The following FANCI variants were observed in gnomAD, a reference collection of about 807,000 sequenced individuals.
FANCI encodes the protein Fanconi anemia group I protein.
A neutral mutation model predicts 176.1 loss-of-function variants in FANCI; 156 were observed. The observed-to-expected ratio is 0.89, with a 90% CI of 0.78 to 1.01. The LOEUF (loss-of-function observed/expected upper bound fraction) is 1.01, where lower values mean the gene tolerates loss of function less well. FANCI is among the 50% of genes least tolerant of loss of function. The probability of loss-of-function intolerance (pLI) is 0.00; values close to 1 mark genes in which losing one functional copy is unlikely to be tolerated. For synonymous variants in FANCI, 613 were observed against 541.7 expected (o/e 1.13, Z -1.83); for missense variants, 1,678 against 1,534.1 (o/e 1.09, Z -1.57).
intron 2 of FANCI, among the ~76,000 whole-genome samples, chr15:89,250,383 T>C (rs1322166952): frequency 6.6e-6 from 1 of 152,204 alleles, no homozygotes; most frequent in East Asian, 1.9e-4. Flanking sequence ...GATGAGTTCA[T>C]GTCCTTTGTA....
At chr15:89,247,971 A>C (rs891862385) in intron 2 of FANCI, among the ~76,000 whole-genome samples, 1 of 152,216 alleles carries the variant, frequency 6.6e-6, no homozygotes, top group Non-Finnish European at 1.5e-5. Flanking sequence ...TTAAGAATAG[A>C]ATGCTTTTAC....
At position 89,307,644 on chromosome 15, in the gene FANCI, T is replaced by G; in HGVS notation, c.3623T>G (p.Leu1208Arg). 1 of 1,614,132 alleles carries G rather than the reference T, an allele frequency of 6.2e-7. No individual in the cohort carries two copies. Among genetic ancestry groups the G allele is most frequent in the Non-Finnish European group, 8.5e-7 (1 of 1,179,984 alleles). ...VKLSGSHLTP[L>R]CYSFISYVQN... Reference sequence around the variant, plus strand: ...CTGTCTGGTTCTCATCTGACCCCCCTGTGTTATTCTTTCATTTCTTACGTA... The same window carrying G: ...CTGTCTGGTTCTCATCTGACCCCCCGGTGTTATTCTTTCATTTCTTACGTA... Residue 1208 changes from leucine (L) to arginine (R), a missense_variant, in exon 34 of 38, where the codon CTG becomes CGG. By Grantham distance (102) the Leu-to-Arg change is moderately radical. Around this residue, in one of 3 missense-constraint regions of FANCI, gnomAD observed 1,204 missense variants for 1,077.4 expected, o/e 1.12. Transcript: ENST00000310775.
chr15:89,270,442 G>C (rs2053157367), intron 10 of FANCI, among the ~76,000 whole-genome samples: 1 of 151,886 alleles, frequency 6.6e-6, no homozygotes, highest in African/African-American at 2.4e-5. Flanking sequence ...GAAGGTTTTC[G>C]TTTTCCCATC....
At chr15:89,253,618 T>C (rs2052362566) in intron 2 of FANCI, among the ~76,000 whole-genome samples, 1 of 152,120 alleles carries the variant, frequency 6.6e-6, no homozygotes, top group Admixed American at 6.5e-5. Context: ...CTAACTGTCA[T>C]ACAAAGTATA....
At chr15:89,264,162 A>G (rs755002558) in intron 8 of FANCI, 136 bp downstream of exon 8, 91 of 958,592 alleles carry the variant, frequency 9.5e-5, no homozygotes, top group Admixed American at 8.1e-4. Flanking sequence ...GTGAGCAAAC[A>G]TAGCCGAACA....
At chr15:89,281,439 A>AGGGCAAGAGCATT in intron 15 of FANCI, 139 bp downstream of exon 15, 1 of 1,068,696 alleles carries the variant, frequency 9.4e-7, no homozygotes, top group Admixed American at 1.9e-5. Context: ...TTGCATTAAA[A>AGGGCAAGAGCATT]GGGCAAGAGC....
At chr15:89,315,075 C>G (rs1413859022) in intron 36 of FANCI, among the ~76,000 whole-genome samples, 1 of 152,090 alleles carries the variant, frequency 6.6e-6, no homozygotes, top group African/African-American at 2.4e-5. Context: ...TCCCAAAGTG[C>G]TGGGATTACA....
chr15:89,312,375 A>C (rs1015400460), intron 34 of FANCI, among the ~76,000 whole-genome samples: 1 of 152,244 alleles, frequency 6.6e-6, no homozygotes, highest in African/African-American at 2.4e-5. Context: ...TAAGAACAAC[A>C]GATTGTAAAC....
intron 35 of FANCI, 94 bp from the exon 36 acceptor site, chr15:89,314,518 C>G: frequency 2.1e-6 from 2 of 933,202 alleles, no homozygotes; most frequent in East Asian, 2.5e-5. Context: ...CTAGTTTTCC[C>G]CTAAAGCCAT....
At chr15:89,259,857 G>T (rs2052642597) in intron 3 of FANCI, among the ~76,000 whole-genome samples, 1 of 152,096 alleles carries the variant, frequency 6.6e-6, no homozygotes, top group African/African-American at 2.4e-5. Flanking sequence ...ATTCCATTAT[G>T]TGGATATACA....
At chr15:89,300,024 C>T in intron 25 of FANCI, 58 bp downstream of exon 25, 1 of 1,580,220 alleles carries the variant, frequency 6.3e-7, no homozygotes, top group South Asian at 1.1e-5. Context: ...AGCTCAACCC[C>T]TTAATTCCAT....
intron 18 of FANCI, among the ~76,000 whole-genome samples, chr15:89,286,597 T>C (rs1049593988): frequency 2.0e-4 from 30 of 152,218 alleles, no homozygotes; most frequent in African/African-American, 7.2e-4. Context: ...GGGCTTAAAA[T>C]ATTCAGCAAA....
In FANCI at chr15:89,285,079, G is replaced by C; in HGVS notation, c.1699-17G>C. ...GCTTTGGTAAGATAGACGTGAATTGGCCTGTCTTCCTTTCAGGTTCATGTG... is the reference window on the plus strand; with the variant it reads ...GCTTTGGTAAGATAGACGTGAATTGCCCTGTCTTCCTTTCAGGTTCATGTG... On this transcript the variant is annotated splice_polypyrimidine_tract_variant and intron_variant, in intron 17 of 37. Coordinates refer to ENST00000310775, the MANE Select transcript of FANCI (RefSeq NM_001113378.2). The C allele has an allele frequency of 6.2e-7, 1 of 1,613,744 alleles. No homozygotes were observed. The highest frequency in any genetic ancestry group is 1.3e-5 in the African/African-American group (1 of 75,004).
At chr15:89,252,313 A>AC (rs2052291170) in intron 2 of FANCI, among the ~76,000 whole-genome samples, 1 of 151,734 alleles carries the variant, frequency 6.6e-6, no homozygotes, top group Non-Finnish European at 1.5e-5. Flanking sequence ...AAAAAAAAAA[A>AC]GAAAATATAA....
At chr15:89,254,194 T>TA (rs1216390691) in intron 2 of FANCI, among the ~76,000 whole-genome samples, 1 of 151,928 alleles carries the variant, frequency 6.6e-6, no homozygotes, top group Non-Finnish European at 1.5e-5. Flanking sequence ...CCTGTCTCTA[T>TA]AAAAAAATAA....
chr15:89,312,588 G>A (rs59012331), intron 34 of FANCI, among the ~76,000 whole-genome samples: 3,031 of 152,298 alleles, frequency 0.02, 108 homozygotes, highest in African/African-American at 0.067. Flanking sequence ...GGGAGGCTGA[G>A]GCCGGCAGAT....
intron 10 of FANCI, among the ~76,000 whole-genome samples, chr15:89,270,443 T>A (rs1228644561): frequency 2.6e-5 from 4 of 152,196 alleles, no homozygotes; most frequent in Admixed American, 6.5e-5. Flanking sequence ...AAGGTTTTCG[T>A]TTTCCCATCT....
At chr15:89,281,139 G>C in intron 14 of FANCI, 31 bp from the exon 15 acceptor site, 4 of 1,607,246 alleles carry the variant, frequency 2.5e-6, no homozygotes, top group East Asian at 2.2e-5. Context: ...TTAGTTATTT[G>C]AGACAACTGA....
chr15:89,284,959 T>G, intron 17 of FANCI, 137 bp from the exon 18 acceptor site: 2 of 906,628 alleles, frequency 2.2e-6, no homozygotes, highest in South Asian at 2.6e-5. Context: ...TGGTAATGAT[T>G]ATACTGTGTG....
Sources: allele counts gnomAD v4.1 joint callset (sites outside exome capture counted in the v4.1 genomes callset), GRCh38; gene constraint gnomAD v4.1.1; regional missense constraint gnomAD v4.1.1; transcripts MANE v1.5; gene names NCBI Gene and HGNC (gene_info 2026-07-23, HGNC 2026-07-21).